Variants in HUNK observed in about 807,000 individuals in gnomAD.
HUNK encodes the protein hormonally up-regulated neu tumor-associated kinase.
Under a neutral mutation model 61.0 loss-of-function variants are expected in HUNK, and 21 were observed. The observed-to-expected ratio is 0.34, with a 90% CI of 0.24 to 0.50. The LOEUF (loss-of-function observed/expected upper bound fraction) is 0.50. HUNK is among the 20% of genes least tolerant of loss of function. HUNK has a pLI of 0.98. For missense variants in HUNK, 772 were observed against 945.7 expected (o/e 0.82, Z 2.41); for synonymous variants, 371 against 386.1 (o/e 0.96, Z 0.46).
intron 8 of HUNK, among the ~76,000 whole-genome samples, chr21:31,988,457 G>A (rs925066862): frequency 2.6e-5 from 4 of 152,156 alleles, no homozygotes; most frequent in East Asian, 1.9e-4. Context: ...AACTGGATTC[G>A]TCTGCTTGGC....
In HUNK at chr21:31,954,752, G is replaced by A. The variant is rs78323498; in HGVS notation, c.747-4091G>A. Among the ~76,000 whole-genome samples the A allele has an allele frequency of 2.9e-3, 446 of 152,236 alleles. 2 individuals are homozygous for A. Among genetic ancestry groups the A allele is most frequent in the Middle Eastern group, 0.01 (3 of 294 alleles). On this transcript the variant is annotated intron_variant, in intron 4 of 10. Transcript: ENST00000270112. ...TTTCTGATTCCGGAGATGTGCAGTG[G>A]CATCCAGGAATGTGCGTTTTCTTTC...
At position 31,986,601 on chromosome 21, in the gene HUNK, A is replaced by G. The variant is rs1481557761; in HGVS notation, c.1257+2992A>G. 7.9e-5 allele frequency among the ~76,000 whole-genome samples: 12 copies of G among 152,150 alleles called. No homozygotes were observed. The South Asian group carries it at 1.9e-3, about 24-fold the overall frequency. Reference sequence around the variant, plus strand: ...CGTGCATGGTCGCCCTGTGTGGTTCAGCCCCAGCTTGCTTCTCCTGCCTTG... The same window carrying G: ...CGTGCATGGTCGCCCTGTGTGGTTCGGCCCCAGCTTGCTTCTCCTGCCTTG... On this transcript the variant is annotated intron_variant, in intron 8 of 10. Coordinates refer to ENST00000270112, the MANE Select transcript of HUNK (RefSeq NM_014586.2).
chr21:31,983,404 C>T, intron 7 of HUNK, 122 bp from the exon 8 acceptor site: 2 of 760,112 alleles, frequency 2.6e-6, no homozygotes, highest in Non-Finnish European at 4.3e-6. Context: ...TTGCAATTTA[C>T]TGGACTGCCA....
At position 31,990,171 on chromosome 21, in the gene HUNK, G is replaced by A. The variant is rs367545209; in HGVS notation, c.1300G>A (p.Val434Met). Residue 434 changes from valine (V) to methionine (M), a missense_variant, in exon 9 of 11, where the codon GTG (valine) becomes ATG (methionine). Val to Met is a conservative substitution (Grantham distance 21). Coordinates refer to ENST00000270112, the MANE Select transcript of HUNK (RefSeq NM_014586.2). ...TWTRDLEFHA[V>M]QDKKPKEQEK... ...GACACGAGATCTTGAATTCCATGCC[G>A]TGCAGGTAAGAACTTGGGGGATTAT... The A allele has an allele frequency of 7.4e-5, 120 of 1,613,382 alleles. No homozygotes were observed. Among genetic ancestry groups the A allele is most frequent in the Middle Eastern group, 3.3e-4 (2 of 6,060 alleles).
At chr21:31,989,325 A>G (rs2833594) in intron 8 of HUNK, among the ~76,000 whole-genome samples, 3,607 of 152,322 alleles carry the variant, frequency 0.024, 139 homozygotes, top group African/African-American at 0.083. Flanking sequence ...GGCAAATATT[A>G]AAATATTCAC....
intron 4 of HUNK, 37 bp downstream of exon 4, chr21:31,946,208 T>G (rs1315136642): frequency 6.3e-7 from 1 of 1,593,628 alleles, no homozygotes; most frequent in Admixed American, 1.7e-5. Context: ...GTGTTCCTCC[T>G]GCTGTCTCCA....
At chr21:31,912,655 C>G (rs903260145) in intron 1 of HUNK, among the ~76,000 whole-genome samples, 1 of 152,106 alleles carries the variant, frequency 6.6e-6, no homozygotes, top group African/African-American at 2.4e-5. Flanking sequence ...CCTTTTCCCA[C>G]GTCAGCCTCT....
In HUNK at chr21:31,958,844, GGT is replaced by G; in HGVS notation, c.752_753del (p.Val251GlufsTer70). On this transcript the variant is annotated frameshift_variant and splice_region_variant, in exon 5 of 11. Transcript: ENST00000270112. LOFTEE classifies it high-confidence loss of function. ...YGPKIDVWSIGVNMYAMLTGT... is the reference protein window; with the variant it reads ...YGPKIDVWSIXVNMYAMLTGT... Reference sequence around the variant, plus strand: ...TCATGTGTATGTCTCTCTTTTCAGAGGTGTGAACATGTATGCCATGTTGACCG... The same window carrying G: ...TCATGTGTATGTCTCTCTTTTCAGAGGTGAACATGTATGCCATGTTGACCG... 6.3e-7 allele frequency: 1 copy of G among 1,595,992 alleles called. No individual in the cohort carries two copies.
At chr21:31,941,690 C>G (rs1427573357) in intron 3 of HUNK, among the ~76,000 whole-genome samples, 1 of 152,112 alleles carries the variant, frequency 6.6e-6, no homozygotes, top group African/African-American at 2.4e-5. Flanking sequence ...ACAAGGCACT[C>G]GTGTTGAAAT....
chr21:31,945,334 C>A (rs747523108), intron 3 of HUNK, among the ~76,000 whole-genome samples: 1 of 152,134 alleles, frequency 6.6e-6, no homozygotes, highest in African/African-American at 2.4e-5. Context: ...TTTCTCCCCC[C>A]TCTTCCTGGG....
intron 1 of HUNK, among the ~76,000 whole-genome samples, chr21:31,907,345 G>A (rs2052513093): frequency 6.6e-6 from 1 of 152,140 alleles, no homozygotes; most frequent in South Asian, 2.1e-4. Context: ...AGATAAATGG[G>A]GTTATAGGAA....
chr21:31,933,098 T>C (rs1385580952), intron 2 of HUNK, among the ~76,000 whole-genome samples: 3 of 151,736 alleles, frequency 2.0e-5, no homozygotes, highest in African/African-American at 7.3e-5. Context: ...TTATTTTTAG[T>C]AGAGACAGGG....
intron 6 of HUNK, among the ~76,000 whole-genome samples, chr21:31,971,575 A>G (rs1186818266): frequency 1.2e-4 from 18 of 152,220 alleles, no homozygotes; most frequent in Admixed American, 1.2e-3. Context: ...TAGTTTCCCA[A>G]CATACCTAGC....
rs991408549 is a variant in HUNK at position 31,919,838 on chromosome 21, G to A, written c.262-4630G>A. Reference sequence around the variant, plus strand: ...AGAGAGGCTGCCGGTGAAAGGTGGCGTCATTCCCCACTGCCAAGGAGGGTC... The same window carrying A: ...AGAGAGGCTGCCGGTGAAAGGTGGCATCATTCCCCACTGCCAAGGAGGGTC... On this transcript the variant is annotated intron_variant, in intron 1 of 10. Transcript: ENST00000270112. 2.0e-5 allele frequency among the ~76,000 whole-genome samples: 3 copies of A among 152,290 alleles called. 1 individual carries two copies. The South Asian group carries it at 6.2e-4, about 32-fold the overall frequency.
intron 5 of HUNK, among the ~76,000 whole-genome samples, chr21:31,960,491 A>T (rs959244310): frequency 6.6e-6 from 1 of 152,124 alleles, no homozygotes; most frequent in African/African-American, 2.4e-5. Flanking sequence ...AACAGCCTTC[A>T]TCTGGTGTAC....
At chr21:31,930,384 C>A (rs1179183989) in intron 2 of HUNK, among the ~76,000 whole-genome samples, 2 of 152,168 alleles carry the variant, frequency 1.3e-5, no homozygotes, top group African/African-American at 2.4e-5. Context: ...TCATTTTATC[C>A]ACGGGAAGCT....
chr21:31,885,596 G>A (rs2052340347), intron 1 of HUNK, among the ~76,000 whole-genome samples: 1 of 152,206 alleles, frequency 6.6e-6, no homozygotes, highest in African/African-American at 2.4e-5. Context: ...TTGGCAGGGT[G>A]GGTCCTTCTG....
At chr21:31,933,861 A>G (rs1020626932) in intron 2 of HUNK, among the ~76,000 whole-genome samples, 1 of 151,960 alleles carries the variant, frequency 6.6e-6, no homozygotes, top group Non-Finnish European at 1.5e-5. Flanking sequence ...GGCAGGACTG[A>G]AGGAAGATCC....
chr21:31,968,006 T>A (rs1448106527), intron 5 of HUNK, among the ~76,000 whole-genome samples: 1 of 152,090 alleles, frequency 6.6e-6, no homozygotes, highest in Non-Finnish European at 1.5e-5. Context: ...TGGTGTGTAT[T>A]TTTTAAAGAG....
Sources: allele counts gnomAD v4.1 joint callset (sites outside exome capture counted in the v4.1 genomes callset), GRCh38; gene constraint gnomAD v4.1.1; transcripts MANE v1.5; gene names NCBI Gene and HGNC (gene_info 2026-07-23, HGNC 2026-07-21).